EIF2D: variants seen among roughly 807,000 people sequenced by gnomAD.
EIF2D encodes the protein eukaryotic translation initiation factor 2D, also known as hepatocellular carcinoma-associated antigen 56.
A neutral mutation model predicts 77.4 loss-of-function variants in EIF2D; 56 were observed. The observed-to-expected ratio is 0.72, with a 90% CI of 0.58 to 0.90. EIF2D has a LOEUF of 0.90. Ranked by LOEUF, EIF2D falls within the 40% of genes least tolerant of loss-of-function variation. The pLI, the probability that EIF2D is intolerant of heterozygous loss-of-function variation, is 0.00. For synonymous variants in EIF2D, 230 were observed against 271.0 expected, an observed-to-expected ratio of 0.85 and a Z score of 1.49; for missense variants, 574 against 706.5, an observed-to-expected ratio of 0.81 and a Z score of 2.13.
intron 4 of EIF2D, among the ~76,000 whole-genome samples, chr1:206,574,235 G>GC (rs1558518806): frequency 1.1e-4 from 16 of 152,204 alleles, no homozygotes; most frequent in African/African-American, 3.9e-4. Flanking sequence ...GAGTCTGCGG[G>GC]AGTGGCCTGA....
rs782432836 is a variant in EIF2D at position 206,611,253 on chromosome 1, C to A, written c.178G>T (p.Ala60Ser). ...IVKLYAHKGDAVTVYVSGGNP... is the reference protein window; with the variant it reads ...IVKLYAHKGDSVTVYVSGGNP... Reference sequence around the variant, plus strand: ...CCACCACTCACGTACACAGTCACTGCATCCCCTTTGTGAGCATACAACTTC... The same window carrying A: ...CCACCACTCACGTACACAGTCACTGAATCCCCTTTGTGAGCATACAACTTC... Residue 60 changes from alanine (A) to serine (S), a missense_variant, in exon 2 of 15, where the codon GCA becomes TCA. Coordinates refer to ENST00000271764, the MANE Select transcript of EIF2D (RefSeq NM_006893.3). The A allele has an allele frequency of 6.2e-7, 1 of 1,614,250 alleles. No individual in the cohort carries two copies. The highest frequency in any genetic ancestry group is 2.2e-5 in the East Asian group (1 of 44,888).
chr1:206,580,323 T>G (rs190564775), intron 4 of EIF2D, among the ~76,000 whole-genome samples: 2 of 152,176 alleles, frequency 1.3e-5, no homozygotes, highest in Admixed American at 6.5e-5. Flanking sequence ...TGAGAGGAGA[T>G]CTTTCCGAAG....
intron 6 of EIF2D, 68 bp downstream of exon 6, chr1:206,602,883 G>A: frequency 1.9e-6 from 3 of 1,578,714 alleles, no homozygotes; most frequent in Non-Finnish European, 2.6e-6. Context: ...GTCAGCAGTG[G>A]AGTGGAGTTC....
At chr1:206,606,018 G>T (rs1670186770) in intron 4 of EIF2D, among the ~76,000 whole-genome samples, 2 of 152,148 alleles carry the variant, frequency 1.3e-5, no homozygotes, top group Admixed American at 1.3e-4. Context: ...TATAAGAGGG[G>T]TTGCTCAGTG....
chr1:206,598,398 CT>C (rs1669752293), intron 11 of EIF2D, among the ~76,000 whole-genome samples: 2 of 152,132 alleles, frequency 1.3e-5, no homozygotes. Context: ...TCTGTATCTC[CT>C]TTTAAGAAAA....
Position 206,584,845 on chromosome 1 carries a change from G to T in EIF2D, c.139-3683C>A. 1.3e-6 allele frequency: 1 copy of T among 741,908 alleles called. No individual in the cohort carries two copies. The highest frequency in any genetic ancestry group is 1.8e-5 in the South Asian group (1 of 54,958). The allele number at this position is 741,908 out of a possible 1,614,324, so 46.0% of individuals were successfully genotyped here. A position where few individuals can be genotyped will look rare whatever the true frequency, so the allele number is the denominator to read the frequency against. ...GTTCAGATCTGTGGAATCCGGGCAG[G>T]GAGGCAAGAGCAGAGTCCCTGACTC... is the stretch of plus-strand genomic sequence containing the variant. On this transcript the variant is annotated intron_variant and NMD_transcript_variant, in intron 2 of 5. Transcript: ENST00000472709. The surrounding 1 kb of genome is among the most constrained non-coding windows in gnomAD (Gnocchi z 4.9).
chr1:206,576,381 C>A (rs1668660140), intron 4 of EIF2D, among the ~76,000 whole-genome samples: 1 of 152,220 alleles, frequency 6.6e-6, no homozygotes, highest in Non-Finnish European at 1.5e-5. Context: ...CTGTCTACCT[C>A]CATCCCTACC....
chr1:206,581,624 G>C (rs12124739), intron 2 of EIF2D, among the ~76,000 whole-genome samples: 1 of 90,834 alleles, frequency 1.1e-5, no homozygotes, highest in African/African-American at 3.1e-5. Flanking sequence ...GAGAGAGACA[G>C]AGAGAGAGGG....
At position 206,611,240 on chromosome 1, in the gene EIF2D, TAC is replaced by T. The variant is rs1553413922; in HGVS notation, c.189_190del (p.Tyr64ArgfsTer5). ...GAGGATGGGGTTACCACCACTCACGTACACAGTCACTGCATCCCCTTTGTGAG... is the reference window on the plus strand; with the variant it reads ...GAGGATGGGGTTACCACCACTCACGTACAGTCACTGCATCCCCTTTGTGAG... On this transcript the variant is annotated frameshift_variant, in exon 2 of 15. Transcript: ENST00000271764. LOFTEE classifies it high-confidence loss of function. 6.2e-7 allele frequency: 1 copy of T among 1,614,240 alleles called. No individual in the cohort carries two copies.
downstream of EIF2D, chr1:206,587,679 A>C (rs1669174082): frequency 6.5e-6 from 1 of 152,912 alleles, no homozygotes; most frequent in Non-Finnish European, 1.5e-5. Flanking sequence ...ATATCTGCGT[A>C]TGTGTGGTAC....
chr1:206,581,101 TTAGCTTCTTAC>T (rs1668855832), exon 3 of EIF2D: 1 of 152,242 alleles, frequency 6.6e-6, no homozygotes, highest in Non-Finnish European at 1.5e-5. Flanking sequence ...CAGTTCCTAC[TTAGCTTCTTAC>T]TAGCAGGGGA....
intron 4 of EIF2D, among the ~76,000 whole-genome samples, chr1:206,573,865 G>A (rs1004419607): frequency 2.0e-5 from 3 of 152,200 alleles, no homozygotes; most frequent in Non-Finnish European, 4.4e-5. Flanking sequence ...AATAGAAATC[G>A]GAGTCTTAGT....
chr1:206,571,711 C>T (rs1423528096), intron 5 of EIF2D, among the ~76,000 whole-genome samples: 1 of 152,190 alleles, frequency 6.6e-6, no homozygotes, highest in Non-Finnish European at 1.5e-5. Flanking sequence ...GAGGCCAATT[C>T]TGTCAGATGT....
rs781797923 is a variant in EIF2D, at chr1:206,585,176, G to T, written c.139-4014C>A. On this transcript the variant is annotated intron_variant and NMD_transcript_variant, in intron 2 of 5. Transcript: ENST00000472709. ...AGCTCCCAGCACCCTCTCTTGGTTT[G>T]CAGTGCTCTTCCAGAAACTCTCCAT... 2.5e-6 allele frequency: 4 copies of T among 1,610,978 alleles called. No homozygotes were observed. In the Admixed American group the frequency reaches 6.7e-5, roughly 27 times the overall value.
chr1:206,578,082 C>G (rs556862202), intron 4 of EIF2D, among the ~76,000 whole-genome samples: 1 of 151,136 alleles, frequency 6.6e-6, no homozygotes, highest in South Asian at 2.1e-4. Context: ...AAAAAATTAG[C>G]CAGGAGTGTG....
intron 7 of EIF2D, chr1:206,600,703 T>A (rs1213918202): frequency 6.2e-6 from 1 of 162,152 alleles, no homozygotes; most frequent in Non-Finnish European, 1.4e-5. Flanking sequence ...AGCCTTAGAT[T>A]CCTCCCAGAC....
intron 12 of EIF2D, among the ~76,000 whole-genome samples, chr1:206,596,126 G>C (rs782082784): frequency 2.0e-5 from 3 of 152,236 alleles, no homozygotes; most frequent in Admixed American, 6.5e-5. Context: ...ACGGTCCACT[G>C]ACCTGGCCTT....
At position 206,593,466 on chromosome 1, in the gene EIF2D, GGA is replaced by G. The variant is rs781913118; in HGVS notation, c.1684+151_1684+152del. ...TCTAAATAGCTACTAAAAACTAAAT[GGA>G]GAGAGAGAGAGAGAGAGAGCGAGAG... On this transcript the variant is annotated intron_variant, in intron 14 of 14. Transcript: ENST00000271764. Among the ~76,000 whole-genome samples, 398 of 100,626 alleles carry G rather than the reference GGA, an allele frequency of 4.0e-3. 7 individuals are homozygous for G. The highest frequency in any genetic ancestry group is 6.3e-3 in the Admixed American group (64 of 10,212). The allele number at this position is 100,626 out of a possible 152,430, so 66.0% of individuals were successfully genotyped here.
intron 2 of EIF2D, among the ~76,000 whole-genome samples, chr1:206,581,731 C>T (rs992484187): frequency 6.6e-5 from 10 of 152,092 alleles, no homozygotes; most frequent in African/African-American, 2.4e-4. Context: ...AGGCTGGAGC[C>T]ACGCCAGCTC....
Sources: allele counts gnomAD v4.1 joint callset (sites outside exome capture counted in the v4.1 genomes callset), GRCh38; gene constraint gnomAD v4.1.1; non-coding constraint Gnocchi (gnomAD v3.1); transcripts MANE v1.5; gene names NCBI Gene and HGNC (gene_info 2026-07-23, HGNC 2026-07-21).